CDKL1: variants seen among roughly 807,000 people sequenced by gnomAD.
CDKL1 encodes the protein cyclin dependent kinase like 1, also known as cyclin-dependent kinase-like 1.
In CDKL1, 41 loss-of-function variants were observed where a neutral mutation model predicts 42.0. The ratio of observed to expected loss-of-function variants is 0.98; its 90% confidence interval spans 0.76 to 1.27. CDKL1 has a LOEUF of 1.27. CDKL1 is among the 50% of genes most tolerant of loss of function. The pLI, the probability that CDKL1 is intolerant of heterozygous loss-of-function variation, is 0.00. For synonymous variants in CDKL1, 153 were observed against 158.6 expected, an observed-to-expected ratio of 0.96 and a Z score of 0.26; for missense variants, 394 against 428.4, an observed-to-expected ratio of 0.92 and a Z score of 0.71.
chr14:50,357,696 G>A (rs1194793547), intron 3 of CDKL1, among the ~76,000 whole-genome samples: 2 of 152,152 alleles, frequency 1.3e-5, no homozygotes, highest in South Asian at 2.1e-4. Context: ...GGATAGTTGC[G>A]TCACCTGAGC....
chr14:50,377,560 C>T (rs565659227), intron 2 of CDKL1: 3 of 1,330,846 alleles, frequency 2.3e-6, no homozygotes, highest in Non-Finnish European at 3.0e-6. Flanking sequence ...CCTTAGCTAG[C>T]AGGCCTTCAG....
intron 9 of CDKL1, 132 bp downstream of exon 9, chr14:50,332,130 G>A (rs928200009): frequency 1.9e-6 from 3 of 1,609,926 alleles, no homozygotes; most frequent in African/African-American, 1.3e-5. Context: ...GGCCCTGGTT[G>A]ATAGATCCTA....
chr14:50,338,111 A>G (rs576898132), intron 7 of CDKL1, among the ~76,000 whole-genome samples: 1 of 152,372 alleles, frequency 6.6e-6, no homozygotes, highest in Admixed American at 6.5e-5. Context: ...GAAGTGGATT[A>G]GGGGTATAAA....
intron 2 of CDKL1, among the ~76,000 whole-genome samples, chr14:50,393,461 C>T (rs1364813574): frequency 6.6e-6 from 1 of 152,200 alleles, no homozygotes; most frequent in Non-Finnish European, 1.5e-5. Context: ...TTCACCTACT[C>T]AACAAATATT....
chr14:50,377,743 T>G (rs752740341), intron 2 of CDKL1: 1 of 1,248,558 alleles, frequency 8.0e-7, no homozygotes, highest in East Asian at 5.2e-5. Flanking sequence ...CAGTGGCACA[T>G]GAGTGGTATG....
At chr14:50,389,848 G>A (rs547789611) in intron 2 of CDKL1, among the ~76,000 whole-genome samples, 153 of 152,226 alleles carry the variant, frequency 1.0e-3, no homozygotes, top group Admixed American at 3.3e-3. Context: ...ATGGTGTTTG[G>A]TATAAAGTGA....
chr14:50,336,802 A>C (rs1340451322), intron 7 of CDKL1, among the ~76,000 whole-genome samples: 2 of 152,150 alleles, frequency 1.3e-5, no homozygotes, highest in Non-Finnish European at 2.9e-5. Flanking sequence ...ATCCCACCCA[A>C]AAGAGATATC....
intron 2 of CDKL1, among the ~76,000 whole-genome samples, chr14:50,374,332 A>G (rs899874086): frequency 6.6e-6 from 1 of 152,242 alleles, no homozygotes; most frequent in South Asian, 2.1e-4. Context: ...ATTCTATATG[A>G]TACTGTAATA....
At chr14:50,342,074 G>T in intron 5 of CDKL1, 58 bp downstream of exon 5, 2 of 1,310,636 alleles carry the variant, frequency 1.5e-6, no homozygotes, top group Non-Finnish European at 2.2e-6. Flanking sequence ...TAGATCCTTT[G>T]TTGTATCAAG....
At chr14:50,334,306 G>A (rs547947198) in intron 8 of CDKL1, 69 of 293,564 alleles carry the variant, frequency 2.4e-4, no homozygotes, top group African/African-American at 1.4e-3. Context: ...ACAGGCGAGC[G>A]CCACCACGCC....
rs547315874 is a variant in CDKL1, at chr14:50,361,072, ATGTTT to A, written c.169-1928_169-1924del. On this transcript the variant is annotated intron_variant, in intron 2 of 9. Coordinates refer to ENST00000395834, the MANE Select transcript of CDKL1 (RefSeq NM_004196.7). ...TTGGTTGTAGGAATGAGCCAGGCAT[ATGTTT>A]TGTTTTGTTTCACCTACATTCCCCA... 3.8e-3 allele frequency among the ~76,000 whole-genome samples: 584 copies of A among 152,236 alleles called. 3 individuals are homozygous for A. Among genetic ancestry groups the A allele is most frequent in the Middle Eastern group, 0.02 (6 of 294 alleles).
At chr14:50,343,295 T>A (rs573489612) in intron 4 of CDKL1, among the ~76,000 whole-genome samples, 22 of 151,926 alleles carry the variant, frequency 1.4e-4, no homozygotes, top group African/African-American at 5.1e-4. Context: ...GCCTGCAGCC[T>A]GAAACCCTGG....
chr14:50,382,417 C>T (rs2034939040), intron 2 of CDKL1, among the ~76,000 whole-genome samples: 2 of 152,064 alleles, frequency 1.3e-5, no homozygotes, highest in Admixed American at 1.3e-4. Context: ...TGCCACTGCA[C>T]TCCAGCCTGG....
chr14:50,351,954 G>C (rs2033917564), intron 3 of CDKL1, among the ~76,000 whole-genome samples: 1 of 152,160 alleles, frequency 6.6e-6, no homozygotes, highest in Non-Finnish European at 1.5e-5. Flanking sequence ...GGAAGCAGAG[G>C]AGATAGTGAT....
intron 3 of CDKL1, chr14:50,357,900 G>T: frequency 2.2e-6 from 1 of 450,772 alleles, no homozygotes; most frequent in Non-Finnish European, 4.1e-6. Flanking sequence ...AAGCTTATTT[G>T]CAAGGCACAA....
Position 50,326,486 on chromosome 14 carries a change from C to CA in CDKL1, c.*3587dup. On this transcript the variant is annotated 3_prime_UTR_variant, in exon 10 of 10. Coordinates refer to ENST00000395834, the MANE Select transcript of CDKL1 (RefSeq NM_004196.7). ...GATGGAGTCAATTATGCAAAGTGGT[C>CA]AGTGGTTGTTGAAGCATGCATTGCT... 1.0e-6 allele frequency: 1 copy of CA among 985,290 alleles called. No homozygotes were observed. The highest frequency in any genetic ancestry group is 1.2e-6 in the Non-Finnish European group (1 of 829,910). 61.0% of individuals were successfully genotyped at this position (985,290 alleles called of 1,614,324 possible).
intron 7 of CDKL1, chr14:50,335,858 A>T (rs553324461): frequency 2.3e-6 from 3 of 1,280,054 alleles, no homozygotes; most frequent in African/African-American, 1.5e-5. Flanking sequence ...TTGTACACAT[A>T]CTAATCATTG....
At chr14:50,341,925 A>G (rs956325531) in intron 5 of CDKL1, among the ~76,000 whole-genome samples, 1 of 152,250 alleles carries the variant, frequency 6.6e-6, no homozygotes, top group African/African-American at 2.4e-5. Context: ...TAACTACTTT[A>G]CTGTGGTATA....
intron 2 of CDKL1, among the ~76,000 whole-genome samples, chr14:50,395,342 T>G (rs190779711): frequency 3.9e-5 from 6 of 152,374 alleles, no homozygotes. Context: ...CTGGCACTTT[T>G]GTCTCTGCTT....
Sources: gnomAD v4.1 joint callset for allele counts (sites outside exome capture counted in the v4.1 genomes callset) on GRCh38, gnomAD v4.1.1 for gene constraint, MANE v1.5 for transcripts, NCBI Gene and HGNC (gene_info 2026-07-23, HGNC 2026-07-21) for gene names.